Variants in CCSER1 observed in about 807,000 individuals in gnomAD.
CCSER1 encodes serine-rich coiled-coil domain-containing protein 1.
In CCSER1, 41 loss-of-function variants were observed where a neutral mutation model predicts 82.0. The ratio of observed to expected loss-of-function variants is 0.50; its 90% confidence interval spans 0.39 to 0.65. CCSER1 has a LOEUF of 0.65. Ranked by LOEUF, CCSER1 falls within the 30% of genes least tolerant of loss-of-function variation. CCSER1 has a pLI of 0.00. For missense variants in CCSER1, 1,119 were observed against 1,064.2 expected (o/e 1.05, Z -0.72); for synonymous variants, 414 against 383.9 (o/e 1.08, Z -0.92).
chr4:91,127,504 T>G (rs1727621443), intron 10 of CCSER1, among the ~76,000 whole-genome samples: 1 of 152,056 alleles, frequency 6.6e-6, no homozygotes, highest in South Asian at 2.1e-4. Flanking sequence ...AGGCACAAAT[T>G]TGCATTTGCA....
At chr4:91,304,911 T>G (rs1744935827) in intron 10 of CCSER1, among the ~76,000 whole-genome samples, 1 of 152,044 alleles carries the variant, frequency 6.6e-6, no homozygotes, top group African/African-American at 2.4e-5. Flanking sequence ...GTGAATCATA[T>G]GTTTTTCTTA....
At chr4:91,232,424 G>C (rs941468309) in intron 10 of CCSER1, among the ~76,000 whole-genome samples, 12 of 151,736 alleles carry the variant, frequency 7.9e-5, no homozygotes, top group African/African-American at 2.7e-4. Flanking sequence ...CATATATATT[G>C]ATGTGAAACT....
intron 10 of CCSER1, among the ~76,000 whole-genome samples, chr4:91,297,875 G>A (rs1578143431): frequency 6.6e-6 from 1 of 152,022 alleles, no homozygotes; most frequent in Non-Finnish European, 1.5e-5. Flanking sequence ...TAAGCAGTTT[G>A]TAGCCACAAT....
At chr4:91,461,351 A>G (rs1222967139) in intron 10 of CCSER1, among the ~76,000 whole-genome samples, 1 of 152,208 alleles carries the variant, frequency 6.6e-6, no homozygotes, top group Non-Finnish European at 1.5e-5. Context: ...ATTCCATTTT[A>G]CACGTGAGAA....
chr4:90,565,612 C>T (rs1159877920), intron 5 of CCSER1, among the ~76,000 whole-genome samples: 1 of 152,162 alleles, frequency 6.6e-6, no homozygotes, highest in African/African-American at 2.4e-5. Context: ...AAGTCTTTAG[C>T]TGTTCCCTGT....
intron 5 of CCSER1, among the ~76,000 whole-genome samples, chr4:90,498,037 G>A (rs1384711148): frequency 1.3e-5 from 2 of 150,612 alleles, no homozygotes; most frequent in Non-Finnish European, 3.0e-5. Flanking sequence ...GAGCCTTAAT[G>A]TTTATTTTGG....
intron 7 of CCSER1, among the ~76,000 whole-genome samples, chr4:90,759,436 A>G (rs1298948252): frequency 1.3e-5 from 2 of 152,230 alleles, no homozygotes; most frequent in African/African-American, 2.4e-5. Flanking sequence ...TAAGAAGGAG[A>G]TGAAATAGTC....
chr4:90,274,563 G>A (rs534522326), intron 1 of CCSER1, among the ~76,000 whole-genome samples: 67 of 152,110 alleles, frequency 4.4e-4, no homozygotes, highest in Non-Finnish European at 7.5e-4. Flanking sequence ...AACTAGAATT[G>A]GGTATGAATA....
chr4:90,495,075 A>G (rs1047468167), intron 5 of CCSER1, among the ~76,000 whole-genome samples: 4 of 151,976 alleles, frequency 2.6e-5, no homozygotes, highest in Admixed American at 2.0e-4. Context: ...CAAATTTACT[A>G]CCTTTTAAAA....
intron 1 of CCSER1, among the ~76,000 whole-genome samples, chr4:90,154,189 G>T (rs1296292491): frequency 6.6e-5 from 10 of 152,130 alleles, no homozygotes; most frequent in Non-Finnish European, 1.5e-4. Context: ...GATAGTTTTA[G>T]ATATGCGGCG....
At chr4:90,749,574 C>G (rs973240911) in intron 7 of CCSER1, among the ~76,000 whole-genome samples, 52 of 152,050 alleles carry the variant, frequency 3.4e-4, no homozygotes, top group Middle Eastern at 3.4e-3. Flanking sequence ...ATTCTGTGAA[C>G]AAAGTCATTG....
chr4:90,311,916 G>A (rs1477915855), intron 2 of CCSER1, among the ~76,000 whole-genome samples: 1 of 152,058 alleles, frequency 6.6e-6, no homozygotes, highest in Non-Finnish European at 1.5e-5. Flanking sequence ...CACAAAACAG[G>A]CCTAGATCCC....
intron 5 of CCSER1, among the ~76,000 whole-genome samples, chr4:90,623,460 G>C (rs1722729012): frequency 6.6e-6 from 1 of 152,188 alleles, no homozygotes; most frequent in South Asian, 2.1e-4. Flanking sequence ...AGAGCAAAGA[G>C]GCAGCTGTTA....
At chr4:91,056,276 A>G (rs1483107268) in intron 9 of CCSER1, among the ~76,000 whole-genome samples, 1 of 151,954 alleles carries the variant, frequency 6.6e-6, no homozygotes, top group African/African-American at 2.4e-5. Context: ...TTGTGATTCT[A>G]TGACAGAATA....
intron 10 of CCSER1, among the ~76,000 whole-genome samples, chr4:91,131,488 T>C (rs548808632): frequency 1.9e-4 from 29 of 152,172 alleles, no homozygotes; most frequent in African/African-American, 7.0e-4. Context: ...GTGATGTGTG[T>C]ACAAGCAGTA....
intron 8 of CCSER1, among the ~76,000 whole-genome samples, chr4:90,872,404 A>C (rs1766645893): frequency 6.6e-6 from 1 of 151,932 alleles, no homozygotes; most frequent in African/African-American, 2.4e-5. Flanking sequence ...GCTTGCAAAT[A>C]ACATCTTATA....
At chr4:90,616,815 C>G (rs1221656011) in intron 5 of CCSER1, among the ~76,000 whole-genome samples, 1 of 152,034 alleles carries the variant, frequency 6.6e-6, no homozygotes, top group East Asian at 1.9e-4. Flanking sequence ...ATAGGAATTA[C>G]TCTGAGGTGA....
At chr4:90,665,355 G>T in intron 6 of CCSER1, among the ~76,000 whole-genome samples, 1 of 148,504 alleles carries the variant, frequency 6.7e-6, no homozygotes, top group African/African-American at 2.5e-5. Context: ...ACGGAGTCTT[G>T]CTGTCGCCCA....
chr4:91,311,441 TA>T (rs1745472046), intron 10 of CCSER1, among the ~76,000 whole-genome samples: 3 of 151,936 alleles, frequency 2.0e-5, no homozygotes, highest in African/African-American at 7.2e-5. Flanking sequence ...ATTTTTTTCC[TA>T]ATAGTAGATG....
Sources: gnomAD v4.1 joint callset for allele counts (sites outside exome capture counted in the v4.1 genomes callset) on GRCh38, gnomAD v4.1.1 for gene constraint, MANE v1.5 for transcripts, NCBI Gene and HGNC (gene_info 2026-07-23, HGNC 2026-07-21) for gene names.